The following ITPR1 variants were observed in gnomAD, a reference collection of about 807,000 sequenced individuals.
ITPR1 encodes the protein inositol 1,4,5-trisphosphate receptor type 1, also known as inositol 1,4,5-trisphosphate-gated calcium channel ITPR1.
In ITPR1, 96 loss-of-function variants were observed where a neutral mutation model predicts 318.4. That is an observed-to-expected ratio of 0.30 (90% CI 0.26 to 0.36). ITPR1 has a LOEUF of 0.36. Ranked by LOEUF, ITPR1 falls within the 10% of genes least tolerant of loss-of-function variation. The pLI is 1.00. For missense variants in ITPR1, 2,440 were observed against 3,460.2 expected (o/e 0.71, Z 7.40); for synonymous variants, 1,312 against 1,289.9 (o/e 1.02, Z -0.37).
At chr3:4,748,528 A>G (rs2044269607) in intron 44 of ITPR1, among the ~76,000 whole-genome samples, 1 of 152,046 alleles carries the variant, frequency 6.6e-6, no homozygotes, top group East Asian at 1.9e-4. Context: ...CAATTGTTAG[A>G]GGAGAGCTTG....
chr3:4,550,909 G>T (rs1025934690), intron 4 of ITPR1, among the ~76,000 whole-genome samples: 2 of 151,552 alleles, frequency 1.3e-5, no homozygotes, highest in South Asian at 2.1e-4. Flanking sequence ...AGAAAGAAAA[G>T]AAACACTAAC....
At chr3:4,578,904 G>A (rs188889031) in intron 4 of ITPR1, among the ~76,000 whole-genome samples, 121 of 152,290 alleles carry the variant, frequency 7.9e-4, no homozygotes, top group African/African-American at 2.8e-3. Flanking sequence ...ATTGAGAGAG[G>A]GGGCCCCACA....
At chr3:4,515,440 G>A (rs2082111266) in intron 2 of ITPR1, among the ~76,000 whole-genome samples, 2 of 152,248 alleles carry the variant, frequency 1.3e-5, no homozygotes, top group African/African-American at 2.4e-5. Context: ...TGGAGGAGGG[G>A]TTTTGGGAAA....
chr3:4,744,017 G>A (rs1363017345), intron 44 of ITPR1, among the ~76,000 whole-genome samples: 2 of 152,100 alleles, frequency 1.3e-5, no homozygotes, highest in Non-Finnish European at 1.5e-5. Context: ...TGTATTTTTA[G>A]TAGAGACGGG....
intron 33 of ITPR1, among the ~76,000 whole-genome samples, chr3:4,695,655 T>C (rs183019597): frequency 9.6e-4 from 146 of 152,362 alleles, no homozygotes; most frequent in Admixed American, 1.8e-3. Flanking sequence ...AGTTTAGTTT[T>C]GTGAGGTTTT....
Position 4,699,961 on chromosome 3 carries a change from A to G in ITPR1, c.4536+20A>G, listed in dbSNP as rs1312817756. 6.2e-7 allele frequency: 1 copy of G among 1,609,534 alleles called. No individual in the cohort carries two copies. Among genetic ancestry groups the G allele is most frequent in the Non-Finnish European group, 8.5e-7 (1 of 1,176,288 alleles). ...TTGCAGGTAAGAAATAACCAACGTCAAGCAGAATGTTCACGATACACCTTC... is the reference window on the plus strand; with the variant it reads ...TTGCAGGTAAGAAATAACCAACGTCGAGCAGAATGTTCACGATACACCTTC... On this transcript the variant is annotated intron_variant, in intron 35 of 61. Coordinates refer to ENST00000649015, the MANE Select transcript of ITPR1 (RefSeq NM_001378452.1).
rs1256304560 is a variant in ITPR1 at position 4,735,303 on chromosome 3, A to T, written c.5493A>T (p.Glu1831Asp). ...CATCCAGTGACCGAGTGTTCCATGA[A>T]AGCATTCTCCTGGCCATTGCCCTTC... is the stretch of plus-strand genomic sequence containing the variant. The part of the protein sequence containing the change: ...MNASSDRVFH[E>D]SILLAIALLE... Residue 1831 changes from glutamate to aspartate, a missense_variant, in exon 44 of 62, where the codon GAA (glutamate) becomes GAT (aspartate). Glu to Asp is a conservative substitution (Grantham distance 45). Transcript: ENST00000649015. The T allele has an allele frequency of 6.2e-7, 1 of 1,613,970 alleles. No homozygotes were observed. Among genetic ancestry groups the T allele is most frequent in the Non-Finnish European group, 8.5e-7 (1 of 1,179,872 alleles).
chr3:4,828,880 C>A (rs1170211427), intron 60 of ITPR1, among the ~76,000 whole-genome samples: 5 of 152,058 alleles, frequency 3.3e-5, no homozygotes, highest in African/African-American at 1.2e-4. Context: ...TGATTTATGC[C>A]GTTTGGATAC....
intron 60 of ITPR1, among the ~76,000 whole-genome samples, chr3:4,832,505 C>T (rs1437040305): frequency 1.3e-5 from 2 of 152,092 alleles, no homozygotes; most frequent in Non-Finnish European, 2.9e-5. Context: ...GTGGTGCATG[C>T]GTGTAGTCCC....
At position 4,661,237 on chromosome 3, in the gene ITPR1, A is replaced by G. The variant is rs548138150; in HGVS notation, c.1251+150A>G. ...CCGAACTTGAATGTGACAAAAGAAT[A>G]CTCTCCACGAGACCTGAGTGGAGCA... On this transcript the variant is annotated intron_variant, in intron 14 of 61. Coordinates refer to ENST00000649015, the MANE Select transcript of ITPR1 (RefSeq NM_001378452.1). The G allele has an allele frequency of 1.9e-5, 10 of 522,774 alleles. No homozygotes were observed. In the South Asian group the frequency reaches 2.9e-4, roughly 15 times the overall value. The allele number at this position is 522,774 out of a possible 1,614,324, so 32.4% of individuals were successfully genotyped here. A position where few individuals can be genotyped will look rare whatever the true frequency, so the allele number is the denominator to read the frequency against.
At position 4,814,454 on chromosome 3, in the gene ITPR1, T is replaced by C; in HGVS notation, c.7593T>C (p.Asp2531=). The C allele has an allele frequency of 6.2e-7, 1 of 1,613,884 alleles. No homozygotes were observed. The highest frequency in any genetic ancestry group is 8.5e-7 in the Non-Finnish European group (1 of 1,179,868). The change falls in exon 58 of 62, where the codon GAT becomes GAC. Residue 2531 remains aspartate (D), a synonymous_variant. Coordinates refer to ENST00000649015, the MANE Select transcript of ITPR1 (RefSeq NM_001378452.1). ...TCCCTGCAGAAGAGACGGAACAGGA[T>C]AAAGAGCACACATGTGAGACGCTGC... The part of the protein sequence containing the change: ...ELVPAEETEQ[D]KEHTCETLLM...
intron 20 of ITPR1, among the ~76,000 whole-genome samples, chr3:4,672,042 G>A (rs373330906): frequency 2.0e-5 from 3 of 152,136 alleles, no homozygotes; most frequent in African/African-American, 7.2e-5. Context: ...TGGACTGTTG[G>A]ATGATATTCT....
chr3:4,677,480 G>T (rs971554670), intron 24 of ITPR1, among the ~76,000 whole-genome samples: 1 of 152,190 alleles, frequency 6.6e-6, no homozygotes, highest in African/African-American at 2.4e-5. Flanking sequence ...TGAATGAAGT[G>T]AGGAGATAGC....
intron 4 of ITPR1, among the ~76,000 whole-genome samples, chr3:4,556,192 T>C (rs1440714422): frequency 6.6e-6 from 1 of 152,166 alleles, no homozygotes; most frequent in Non-Finnish European, 1.5e-5. Context: ...CTTCCCCTAC[T>C]CCACAGCCTC....
chr3:4,527,987 G>A (rs893895020), intron 4 of ITPR1, among the ~76,000 whole-genome samples: 2 of 152,146 alleles, frequency 1.3e-5, no homozygotes, highest in East Asian at 3.8e-4. Flanking sequence ...AATAAGAATG[G>A]CATTTTTCAT....
In ITPR1 at chr3:4,642,289, C is replaced by T. The variant is rs1318046658; in HGVS notation, c.525+38C>T. On this transcript the variant is annotated intron_variant, in intron 7 of 61. Coordinates refer to ENST00000649015, the MANE Select transcript of ITPR1 (RefSeq NM_001378452.1). ...TCTCCACCTAGAAAGTCTTCCGTGC[C>T]ATGCTTCCAAGCATGACTGTATATT... 2.0e-6 allele frequency: 3 copies of T among 1,465,990 alleles called. No individual in the cohort carries two copies. In the East Asian group the frequency reaches 7.2e-5, roughly 35 times the overall value. 90.8% of individuals were successfully genotyped at this position (1,465,990 alleles called of 1,614,324 possible). A position where few individuals can be genotyped will look rare whatever the true frequency, so the allele number is the denominator to read the frequency against.
chr3:4,567,770 T>G (rs1460115988), intron 4 of ITPR1, among the ~76,000 whole-genome samples: 1 of 151,972 alleles, frequency 6.6e-6, no homozygotes, highest in East Asian at 1.9e-4. Flanking sequence ...CCCAGCTAAT[T>G]TTTTTGTACT....
chr3:4,513,411 G>A (rs1036790602), intron 2 of ITPR1, among the ~76,000 whole-genome samples: 54 of 152,280 alleles, frequency 3.5e-4, no homozygotes, highest in African/African-American at 1.0e-3. Context: ...TTTGTGAGGG[G>A]AATTATCACA....
At chr3:4,652,064 T>C (rs1297517575) in intron 10 of ITPR1, 59 bp from the exon 11 acceptor site, 2 of 1,301,038 alleles carry the variant, frequency 1.5e-6, no homozygotes, top group Non-Finnish European at 1.1e-6. Flanking sequence ...ATACCTCCGA[T>C]TTAATGTCTT....
Sources: allele counts gnomAD v4.1 joint callset (sites outside exome capture counted in the v4.1 genomes callset), GRCh38; gene constraint gnomAD v4.1.1; transcripts MANE v1.5; gene names NCBI Gene and HGNC (gene_info 2026-07-23, HGNC 2026-07-21).